KLHL1: variants seen among roughly 807,000 people sequenced by gnomAD.
The protein encoded by KLHL1 is kelch like family member 1.
A neutral mutation model predicts 77.7 loss-of-function variants in KLHL1; 47 were observed. The ratio of observed to expected loss-of-function variants is 0.60; its 90% CI spans 0.48 to 0.77. The LOEUF is 0.77. Among genes scored for constraint, KLHL1 ranks in the 30% least tolerant of loss-of-function variants. The pLI, the probability that KLHL1 is intolerant of heterozygous loss-of-function variation, is 0.00. For missense variants in KLHL1, 925 were observed against 910.8 expected (o/e 1.02, Z -0.20); for synonymous variants, 360 against 325.2 (o/e 1.11, Z -1.15).
intron 2 of KLHL1, among the ~76,000 whole-genome samples, chr13:69,975,280 C>T (rs1459988879): frequency 6.6e-6 from 1 of 151,866 alleles, no homozygotes; most frequent in African/African-American, 2.4e-5. Context: ...CCTGAATTAG[C>T]GTGCCTAAAA....
At chr13:70,077,260 A>C (rs1887287634) in intron 1 of KLHL1, among the ~76,000 whole-genome samples, 1 of 152,106 alleles carries the variant, frequency 6.6e-6, no homozygotes, top group South Asian at 2.1e-4. Flanking sequence ...CACCCATACA[A>C]AAAGTGTAAT....
intron 7 of KLHL1, among the ~76,000 whole-genome samples, chr13:69,761,901 TC>T (rs1875040530): frequency 6.6e-6 from 1 of 152,160 alleles, no homozygotes; most frequent in African/African-American, 2.4e-5. Context: ...GAGTGACTGT[TC>T]TAAATTGCTA....
chr13:69,943,480 G>T (rs1883427245), intron 3 of KLHL1, among the ~76,000 whole-genome samples: 2 of 151,804 alleles, frequency 1.3e-5, no homozygotes, highest in African/African-American at 4.8e-5. Flanking sequence ...AGAGTAATAT[G>T]AAAATATGTT....
chr13:70,015,254 T>C (rs573489103), intron 1 of KLHL1, among the ~76,000 whole-genome samples: 168 of 152,268 alleles, frequency 1.1e-3, no homozygotes, highest in Middle Eastern at 3.4e-3. Flanking sequence ...AGACATATGA[T>C]ATAACCTACT....
At chr13:69,801,865 T>C (rs550136484) in intron 6 of KLHL1, among the ~76,000 whole-genome samples, 23 of 152,282 alleles carry the variant, frequency 1.5e-4, no homozygotes, top group Middle Eastern at 3.4e-3. Flanking sequence ...ATTTTCTTTT[T>C]ATTATTTTTT....
chr13:69,983,589 A>AAAAAAAAAG (rs1216543322), intron 1 of KLHL1, among the ~76,000 whole-genome samples: 1 of 132,166 alleles, frequency 7.6e-6, no homozygotes, highest in African/African-American at 3.7e-5. Flanking sequence ...AAAAAAAAAA[A>AAAAAAAAAG]AAGAAGAAGA....
chr13:69,936,338 C>T (rs1235412029), intron 4 of KLHL1, among the ~76,000 whole-genome samples: 1 of 152,070 alleles, frequency 6.6e-6, no homozygotes, highest in Non-Finnish European at 1.5e-5. Context: ...CCTGTAATCC[C>T]AGCACTTTGG....
At chr13:69,783,519 C>T (rs559569384) in intron 7 of KLHL1, among the ~76,000 whole-genome samples, 3 of 151,848 alleles carry the variant, frequency 2.0e-5, no homozygotes, top group East Asian at 1.9e-4. Context: ...TTGAGAACTA[C>T]GTGAAGAATG....
At chr13:69,793,413 C>T (rs1198764745) in intron 7 of KLHL1, among the ~76,000 whole-genome samples, 1 of 151,730 alleles carries the variant, frequency 6.6e-6, no homozygotes, top group African/African-American at 2.4e-5. Flanking sequence ...GCAGAATGAT[C>T]ATTTTTCGAT....
chr13:70,104,448 C>G (rs1475169000), intron 1 of KLHL1, among the ~76,000 whole-genome samples: 1 of 152,060 alleles, frequency 6.6e-6, no homozygotes, highest in Non-Finnish European at 1.5e-5. Context: ...AGCAACTTTC[C>G]CCAAATGTCC....
intron 4 of KLHL1, among the ~76,000 whole-genome samples, chr13:69,908,378 G>T (rs1480537407): frequency 2.0e-5 from 3 of 151,612 alleles, no homozygotes; most frequent in Non-Finnish European, 4.4e-5. Context: ...ATACAATAAA[G>T]AAACGGTGTG....
At position 70,097,887 on chromosome 13, in the gene KLHL1, G is replaced by GTTT. The variant is rs3072589; in HGVS notation, c.497+9313_497+9315dup. Among the ~76,000 whole-genome samples, 32 of 144,136 alleles carry GTTT rather than the reference G, an allele frequency of 2.2e-4. 1 individual carries two copies. Among genetic ancestry groups the GTTT allele is most frequent in the African/African-American group, 8.1e-4 (32 of 39,644 alleles). 94.6% of individuals were successfully genotyped at this position (144,136 alleles called of 152,430 possible). On this transcript the variant is annotated intron_variant, in intron 1 of 10. Transcript: ENST00000377844. Reference sequence around the variant, plus strand: ...GGGCCTAGTGTTTGATTTCCTTTCTGTTTTTTTTTTTTCAATTTTAATAGG... The same window carrying GTTT: ...GGGCCTAGTGTTTGATTTCCTTTCTGTTTTTTTTTTTTTTTCAATTTTAATAGG...
At position 69,701,691 on chromosome 13, in the gene KLHL1, A is replaced by T. The variant is rs780561371; in HGVS notation, c.*11T>A. On this transcript the variant is annotated 3_prime_UTR_variant, in exon 11 of 11. Transcript: ENST00000377844. ...AGCAAGTAAAATCTTTCCAAGTAAA[A>T]TATCAATAAGTCAAGGTTGCTTGAT... The T allele has an allele frequency of 1.9e-6, 3 of 1,594,886 alleles. No individual in the cohort carries two copies. The highest frequency in any genetic ancestry group is 2.6e-6 in the Non-Finnish European group (3 of 1,166,136).
intron 7 of KLHL1, among the ~76,000 whole-genome samples, chr13:69,761,012 T>C (rs1019517839): frequency 6.6e-5 from 10 of 152,124 alleles, no homozygotes; most frequent in African/African-American, 9.7e-5. Context: ...ATGGGCCCAG[T>C]TGACAACTCA....
chr13:69,859,693 C>T (rs2138149415), intron 5 of KLHL1, among the ~76,000 whole-genome samples: 1 of 152,094 alleles, frequency 6.6e-6, no homozygotes, highest in Non-Finnish European at 1.5e-5. Flanking sequence ...TGTTTAGAAA[C>T]AATACAAACA....
chr13:69,811,444 A>G (rs552645043), intron 6 of KLHL1, among the ~76,000 whole-genome samples: 6 of 152,138 alleles, frequency 3.9e-5, no homozygotes, highest in Non-Finnish European at 7.4e-5. Flanking sequence ...CCTGATAACA[A>G]TCCTAAACAA....
chr13:69,804,305 T>TTC, intron 6 of KLHL1, among the ~76,000 whole-genome samples: 2 of 150,844 alleles, frequency 1.3e-5, no homozygotes, highest in East Asian at 3.9e-4. Context: ...ATAATTTTTT[T>TTC]GTGGGGGGGG....
intron 4 of KLHL1, among the ~76,000 whole-genome samples, chr13:69,883,504 G>A (rs1317677972): frequency 1.3e-5 from 2 of 152,128 alleles, no homozygotes; most frequent in Non-Finnish European, 2.9e-5. Flanking sequence ...CTATCCCCTT[G>A]CGGTGTGTAG....
chr13:70,063,306 T>C (rs1031406748), intron 1 of KLHL1, among the ~76,000 whole-genome samples: 5 of 152,146 alleles, frequency 3.3e-5, no homozygotes, highest in East Asian at 1.9e-4. Flanking sequence ...ACAGACTGCA[T>C]GAATAACAAG....
Sources: allele counts gnomAD v4.1 joint callset (sites outside exome capture counted in the v4.1 genomes callset), GRCh38; gene constraint gnomAD v4.1.1; transcripts MANE v1.5; gene names NCBI Gene and HGNC (gene_info 2026-07-23, HGNC 2026-07-21).